PRKN: variants seen among roughly 807,000 people sequenced by gnomAD.
PRKN encodes the protein parkin RBR E3 ubiquitin protein ligase.
PRKN carries 56 observed loss-of-function variants against 59.5 expected under a neutral mutation model. The observed-to-expected ratio is 0.94, with a 90% confidence interval of 0.76 to 1.18. The LOEUF (loss-of-function observed/expected upper bound fraction) is 1.18, where lower values mean the gene tolerates loss of function less well. PRKN is among the 50% of genes most tolerant of loss of function. PRKN has a pLI of 0.00. For synonymous variants in PRKN, 250 were observed against 222.1 expected, an observed-to-expected ratio of 1.13 and a Z score of -1.12; for missense variants, 657 against 596.4, an observed-to-expected ratio of 1.10 and a Z score of -1.06.
At position 162,714,446 on chromosome 6, in the gene PRKN, C is replaced by G. The variant is rs568464019; in HGVS notation, c.7+13216G>C. On this transcript the variant is annotated intron_variant, in intron 1 of 11. Coordinates refer to ENST00000366898, the MANE Select transcript of PRKN (RefSeq NM_004562.3). ...TCTTCCCATTTTTTAAAAAACCCTT[C>G]GGAATAATTTAAATGAGCTCCCACC... is the stretch of plus-strand genomic sequence containing the variant. Among the ~76,000 whole-genome samples the G allele has an allele frequency of 6.6e-5, 10 of 152,158 alleles. No homozygotes were observed. In the East Asian group the frequency reaches 1.9e-3, roughly 29 times the overall value.
At chr6:162,419,879 A>T (rs1414734358) in intron 2 of PRKN, among the ~76,000 whole-genome samples, 1 of 151,970 alleles carries the variant, frequency 6.6e-6, no homozygotes, top group Non-Finnish European at 1.5e-5. Flanking sequence ...ACAACATGAA[A>T]TGATTACTTA....
intron 7 of PRKN, among the ~76,000 whole-genome samples, chr6:161,723,859 A>C (rs539167582): frequency 2.5e-4 from 38 of 152,212 alleles, no homozygotes; most frequent in African/African-American, 8.4e-4. Flanking sequence ...GGTTCAGCAG[A>C]CCTGTTCTGC....
chr6:162,189,608 C>T (rs990450529), intron 4 of PRKN, among the ~76,000 whole-genome samples: 1 of 151,392 alleles, frequency 6.6e-6, no homozygotes, highest in African/African-American at 2.4e-5. Flanking sequence ...GGTCCCTGCC[C>T]CAAGGAAATG....
chr6:162,495,720 T>C (rs1198933806), intron 1 of PRKN, among the ~76,000 whole-genome samples: 2 of 152,158 alleles, frequency 1.3e-5, no homozygotes, highest in African/African-American at 2.4e-5. Context: ...TGCCGCCAAG[T>C]GTTGTTCATC....
chr6:162,564,887 A>T lies in PRKN; in HGVS notation c.8-121414T>A, dbSNP rs1424136393. Among the ~76,000 whole-genome samples, 5 of 144,822 alleles carry T rather than the reference A, an allele frequency of 3.5e-5. No individual in the cohort carries two copies. The Admixed American group carries it at 3.5e-4, about 10-fold the overall frequency. ...TTCAATCAGAAAAAAAAAAAAAAAA[A>T]TTAATGAGCAATAAATAATCACCTG... On this transcript the variant is annotated intron_variant, in intron 1 of 11. Transcript: ENST00000366898.
rs767620173 is a variant in PRKN, at chr6:161,432,532, ATTTTTTT to A, written c.1084-45662_1084-45656del. Among the ~76,000 whole-genome samples, 27 of 125,494 alleles carry A rather than the reference ATTTTTTT, an allele frequency of 2.2e-4. No individual in the cohort carries two copies. The Middle Eastern group carries it at 0.018, about 82-fold the overall frequency. The allele number at this position is 125,494 out of a possible 152,430, so 82.3% of individuals were successfully genotyped here. On this transcript the variant is annotated intron_variant, in intron 9 of 11. Transcript: ENST00000366898. ...CGCCCGCCATCACCATGCCCAGCTA[ATTTTTTT>A]TTTTTTTTTTTTTTGTATTTTTAGT...
At chr6:162,339,313 G>A (rs1425477387) in intron 2 of PRKN, among the ~76,000 whole-genome samples, 4 of 142,952 alleles carry the variant, frequency 2.8e-5, no homozygotes, top group Non-Finnish European at 6.1e-5. Flanking sequence ...CCCCCGCCCG[G>A]CCAGCCGCGC....
At position 161,386,919 on chromosome 6, in the gene PRKN, G is replaced by A. The variant is rs780804768; in HGVS notation, c.1084-42C>T. ...ATCCATTAATTAGGGACATTAGGTT[G>A]CATTTGGCAATAACACATTTTTCCT... On this transcript the variant is annotated intron_variant, in intron 9 of 11. Coordinates refer to ENST00000366898, the MANE Select transcript of PRKN (RefSeq NM_004562.3). This position sits in a 1 kb window ranked among gnomAD's most constrained non-coding sequence, Gnocchi z 4.3. The A allele has an allele frequency of 1.3e-6, 2 of 1,496,722 alleles. No homozygotes were observed. Among genetic ancestry groups the A allele is most frequent in the East Asian group, 2.3e-5 (1 of 44,354 alleles). The allele number at this position is 1,496,722 out of a possible 1,614,324, so 92.7% of individuals were successfully genotyped here.
intron 11 of PRKN, among the ~76,000 whole-genome samples, chr6:161,350,646 T>A (rs1377167169): frequency 2.0e-4 from 21 of 106,182 alleles, no homozygotes; most frequent in African/African-American, 6.4e-4. Flanking sequence ...ATATTTAAAA[T>A]ATATATATTT....
At chr6:162,452,044 C>G (rs184411577) in intron 1 of PRKN, among the ~76,000 whole-genome samples, 4 of 152,108 alleles carry the variant, frequency 2.6e-5, no homozygotes, top group Admixed American at 2.6e-4. Flanking sequence ...TAAGGGTTAA[C>G]TTCTGGTCAG....
intron 6 of PRKN, among the ~76,000 whole-genome samples, 194 bp from the exon 7 acceptor site, chr6:161,786,102 G>A (rs1365262413): frequency 6.6e-6 from 1 of 152,146 alleles, no homozygotes; most frequent in African/African-American, 2.4e-5. Flanking sequence ...GAACTACATA[G>A]AAAACTGATT....
At chr6:162,677,129 C>A (rs1466315238) in intron 1 of PRKN, among the ~76,000 whole-genome samples, 1 of 140,184 alleles carries the variant, frequency 7.1e-6, no homozygotes, top group Non-Finnish European at 1.5e-5. Context: ...GGAAAAAAAA[C>A]ACTGGAGAAC....
At chr6:162,338,581 T>C (rs1008310662) in intron 2 of PRKN, among the ~76,000 whole-genome samples, 19 of 152,246 alleles carry the variant, frequency 1.2e-4, no homozygotes, top group African/African-American at 4.6e-4. Flanking sequence ...TGGAGTGCAG[T>C]GGCGTGATCT....
At chr6:162,017,191 T>C (rs184549162) in intron 5 of PRKN, among the ~76,000 whole-genome samples, 2 of 152,302 alleles carry the variant, frequency 1.3e-5, no homozygotes, top group South Asian at 2.1e-4. Context: ...AGATATATCT[T>C]ATGGAGTCAG....
At chr6:161,438,384 T>A (rs904825966) in intron 9 of PRKN, among the ~76,000 whole-genome samples, 3 of 151,772 alleles carry the variant, frequency 2.0e-5, no homozygotes, top group Non-Finnish European at 4.4e-5. Flanking sequence ...CGCCCAGCTA[T>A]TTTTTGTATT....
At chr6:162,088,837 A>G (rs796412612) in intron 4 of PRKN, among the ~76,000 whole-genome samples, 41 of 152,320 alleles carry the variant, frequency 2.7e-4, no homozygotes, top group African/African-American at 7.9e-4. Flanking sequence ...GGGGAAAAAT[A>G]ATCCCCTCAA....
chr6:162,696,149 T>A (rs1250828032), intron 1 of PRKN, among the ~76,000 whole-genome samples: 1 of 152,048 alleles, frequency 6.6e-6, no homozygotes, highest in Admixed American at 6.5e-5. Context: ...AGGGCAAAAA[T>A]GAAAATCATT....
intron 1 of PRKN, among the ~76,000 whole-genome samples, chr6:162,492,204 T>C (rs988320988): frequency 2.6e-5 from 4 of 152,246 alleles, no homozygotes; most frequent in Non-Finnish European, 5.9e-5. Flanking sequence ...TGATAAAAGA[T>C]TGGCCTGTAA....
chr6:162,491,985 C>T (rs2128185225), intron 1 of PRKN, among the ~76,000 whole-genome samples: 1 of 152,224 alleles, frequency 6.6e-6, no homozygotes, highest in South Asian at 2.1e-4. Flanking sequence ...TGTCTCTGGG[C>T]CATCTGGATT....
Sources: allele counts gnomAD v4.1 joint callset (sites outside exome capture counted in the v4.1 genomes callset), GRCh38; gene constraint gnomAD v4.1.1; non-coding constraint Gnocchi (gnomAD v3.1); transcripts MANE v1.5; gene names NCBI Gene and HGNC (gene_info 2026-07-23, HGNC 2026-07-21).